LRP8: variants seen among roughly 807,000 people sequenced by gnomAD.
LRP8 encodes the protein low-density lipoprotein receptor-related protein 8.
A neutral mutation model predicts 111.6 loss-of-function variants in LRP8; 46 were observed. The ratio of observed to expected loss-of-function variants is 0.41; its 90% CI spans 0.33 to 0.53. The LOEUF (loss-of-function observed/expected upper bound fraction) is 0.53. Among genes scored for constraint, LRP8 ranks in the 20% least tolerant of loss-of-function variants. The pLI, the probability that LRP8 is intolerant of heterozygous loss-of-function variation, is 0.20. For synonymous variants in LRP8, 464 were observed against 511.2 expected, an observed-to-expected ratio of 0.91 and a Z score of 1.24; for missense variants, 959 against 1,297.4, an observed-to-expected ratio of 0.74 and a Z score of 4.01.
intron 2 of LRP8, among the ~76,000 whole-genome samples, chr1:53,311,185 C>T (rs1437159998): frequency 6.6e-6 from 1 of 152,068 alleles, no homozygotes; most frequent in Admixed American, 6.5e-5. Flanking sequence ...GTCCCCAGGC[C>T]CCTGCCCACC....
chr1:53,289,710 C>A (rs201984472), intron 2 of LRP8, 21 bp from the exon 3 acceptor site: 7 of 1,612,522 alleles, frequency 4.3e-6, no homozygotes, highest in Non-Finnish European at 5.9e-6. Flanking sequence ...AGGAAGAGAG[C>A]GTGGTGAGCC....
intron 2 of LRP8, among the ~76,000 whole-genome samples, chr1:53,316,549 C>T (rs1653831886): frequency 6.6e-6 from 1 of 152,218 alleles, no homozygotes; most frequent in Non-Finnish European, 1.5e-5. Context: ...CCCATGCTTC[C>T]AGCCCTGGGC....
chr1:53,260,381 T>C, intron 13 of LRP8, 83 bp downstream of exon 13: 6 of 1,375,818 alleles, frequency 4.4e-6, no homozygotes, highest in Non-Finnish European at 6.1e-6. Context: ...GTGACCTGAA[T>C]GTGAACACAG....
chr1:53,270,941 A>T (rs7542607), intron 8 of LRP8, 87 bp downstream of exon 8: 3 of 1,591,586 alleles, frequency 1.9e-6, no homozygotes, highest in Non-Finnish European at 2.6e-6. Context: ...GTGTGCGCAC[A>T]TGTACACGCC....
intron 3 of LRP8, among the ~76,000 whole-genome samples, chr1:53,281,891 A>C (rs903000495): frequency 1.2e-4 from 18 of 152,322 alleles, no homozygotes; most frequent in African/African-American, 4.1e-4. Context: ...TTATTCACTG[A>C]GTATTTGAGC....
At chr1:53,327,768 T>C in intron 1 of LRP8, 21 bp downstream of exon 1, 1 of 1,501,282 alleles carries the variant, frequency 6.7e-7, no homozygotes. Context: ...CAGAGCCGAG[T>C]CAGAGACCGG....
chr1:53,250,122 C>G lies in LRP8; in HGVS notation c.2677-566G>C, dbSNP rs1645847638. ...CGGCATTCAGCACACAATTATACCA[C>G]TGTATGTTAGTATCTCTAACTCCCT... On this transcript the variant is annotated intron_variant, in intron 17 of 18. Transcript: ENST00000306052. The surrounding 1 kb of genome is among the most constrained non-coding windows in gnomAD (Gnocchi z 4.6). 6.6e-6 allele frequency among the ~76,000 whole-genome samples: 1 copy of G among 152,232 alleles called. No homozygotes were observed. Among genetic ancestry groups the G allele is most frequent in the African/African-American group, 2.4e-5 (1 of 41,466 alleles).
At position 53,250,728 on chromosome 1, in the gene LRP8, T is replaced by C. The variant is rs1238248260; in HGVS notation, c.2638A>G (p.Ile880Val). ...TGGCCAATCTGAGCAGTTCTCCCTA[T>C]ATGGAGCTCATCTTCGTCTTCTTCT... ...TEEEDEDELH[I>V]GRTAQIGHVY... Residue 880 changes from isoleucine (I) to valine (V), a missense_variant, in exon 17 of 19, where the codon ATA (isoleucine) becomes GTA (valine). This residue lies in a region of LRP8 where 819 missense variants were observed against 1,097.6 expected (regional missense o/e 0.75). Coordinates refer to ENST00000306052, the MANE Select transcript of LRP8 (RefSeq NM_004631.5). This position sits in a 1 kb window ranked among gnomAD's most constrained non-coding sequence, Gnocchi z 4.6. 6.2e-7 allele frequency: 1 copy of C among 1,614,076 alleles called. No individual in the cohort carries two copies. The highest frequency in any genetic ancestry group is 1.1e-5 in the South Asian group (1 of 91,086).
In LRP8 at chr1:53,262,250, G is replaced by T. The variant is rs751285865; in HGVS notation, c.1775-43C>A. The T allele has an allele frequency of 6.2e-7, 1 of 1,610,080 alleles. No individual in the cohort carries two copies. Among genetic ancestry groups the T allele is most frequent in the Non-Finnish European group, 8.5e-7 (1 of 1,178,600 alleles). Reference sequence around the variant, plus strand: ...ATCAGGTCATGAACCTGGGACCCCAGTCTGGAGCTCTGTTCCTTTGTACCT... The same window carrying T: ...ATCAGGTCATGAACCTGGGACCCCATTCTGGAGCTCTGTTCCTTTGTACCT... On this transcript the variant is annotated intron_variant, in intron 11 of 18. Transcript: ENST00000306052. The surrounding 1 kb of genome is among the most constrained non-coding windows in gnomAD (Gnocchi z 4.8).
chr1:53,289,778 C>A, intron 2 of LRP8, 89 bp from the exon 3 acceptor site: 1 of 1,542,776 alleles, frequency 6.5e-7, no homozygotes, highest in Middle Eastern at 2.0e-4. Context: ...GCAAACCAGG[C>A]CATGGACTGC....
intron 2 of LRP8, among the ~76,000 whole-genome samples, chr1:53,316,991 A>T (rs1653895687): frequency 6.6e-6 from 1 of 152,144 alleles, no homozygotes; most frequent in South Asian, 2.1e-4. Flanking sequence ...GAAGAGTGTC[A>T]TCTTGGCCCC....
rs1655234941 is a variant in LRP8 at position 53,327,067 on chromosome 1, G to A, written c.125-75C>T. The A allele has an allele frequency of 1.9e-6, 3 of 1,570,862 alleles. No homozygotes were observed. The Admixed American group carries it at 5.2e-5, about 27-fold the overall frequency. On this transcript the variant is annotated intron_variant, in intron 1 of 18. Transcript: ENST00000306052. ...CCCACCATGCAGTCCGGGCCACCCG[G>A]AAGGACCCGCTGGGGAGGAGGAAAG...
intron 10 of LRP8, among the ~76,000 whole-genome samples, chr1:53,263,587 C>A (rs1448801614): frequency 6.6e-6 from 1 of 152,128 alleles, no homozygotes; most frequent in East Asian, 1.9e-4. Context: ...GCCCAGAGAC[C>A]ATAGGCAACA....
chr1:53,325,078 C>T (rs1654972133), intron 2 of LRP8, among the ~76,000 whole-genome samples: 1 of 152,220 alleles, frequency 6.6e-6, no homozygotes, highest in Non-Finnish European at 1.5e-5. Context: ...GTTTCTATTC[C>T]TTGCCTCGTC....
intron 9 of LRP8, among the ~76,000 whole-genome samples, chr1:53,265,568 C>T (rs1340743564): frequency 6.6e-6 from 1 of 152,222 alleles, no homozygotes; most frequent in Non-Finnish European, 1.5e-5. Context: ...TAGTCTGTCA[C>T]CAAATCCTGC....
At position 53,289,604 on chromosome 1, in the gene LRP8, C is replaced by T. The variant is rs1648263162; in HGVS notation, c.330G>A (p.Glu110=). ...HERWKCDGEE[E]CPDGSDESEA... is the part of the protein sequence containing the mutation. Reference sequence around the variant, plus strand: ...CGGACTCATCGGAGCCATCAGGACACTCCTCCTCGCCGTCACACTTCCACC... The same window carrying T: ...CGGACTCATCGGAGCCATCAGGACATTCCTCCTCGCCGTCACACTTCCACC... Residue 110 remains glutamate, a synonymous_variant, in exon 3 of 19, where the codon GAG becomes GAA. Coordinates refer to ENST00000306052, the MANE Select transcript of LRP8 (RefSeq NM_004631.5). 6.2e-7 allele frequency: 1 copy of T among 1,610,718 alleles called. No homozygotes were observed. The highest frequency in any genetic ancestry group is 8.5e-7 in the Non-Finnish European group (1 of 1,178,514).
chr1:53,255,107 C>T lies in LRP8; in HGVS notation c.2503+10G>A. 1 of 1,612,994 alleles carries T rather than the reference C, an allele frequency of 6.2e-7. No individual in the cohort carries two copies. The highest frequency in any genetic ancestry group is 8.5e-7 in the Non-Finnish European group (1 of 1,179,786). ...CTCTTTTCTCTTCAGTGACTGGGGG[C>T]CACACTCACCTATGGGCACGATGAT... On this transcript the variant is annotated intron_variant, in intron 16 of 18. Coordinates refer to ENST00000306052, the MANE Select transcript of LRP8 (RefSeq NM_004631.5).
chr1:53,255,320 A>C, intron 15 of LRP8, 135 bp from the exon 16 acceptor site: 1 of 747,174 alleles, frequency 1.3e-6, no homozygotes, highest in East Asian at 2.7e-5. Flanking sequence ...TTGCCTAATA[A>C]TTCAGTCTTT....
chr1:53,310,002 G>A (rs1019364588), intron 2 of LRP8, among the ~76,000 whole-genome samples: 12 of 152,090 alleles, frequency 7.9e-5, no homozygotes, highest in Non-Finnish European at 1.2e-4. Flanking sequence ...AACCCTGCAC[G>A]TCTCGGATCA....
Sources: allele counts gnomAD v4.1 joint callset (sites outside exome capture counted in the v4.1 genomes callset), GRCh38; gene constraint gnomAD v4.1.1; regional missense constraint gnomAD v4.1.1; non-coding constraint Gnocchi (gnomAD v3.1); transcripts MANE v1.5; gene names NCBI Gene and HGNC (gene_info 2026-07-23, HGNC 2026-07-21).